The following WNT8A variants were observed in gnomAD, a reference collection of about 807,000 sequenced individuals.
WNT8A encodes the protein Wnt family member 8A, also known as protein Wnt-8a.
In WNT8A, 14 loss-of-function variants were observed where a neutral mutation model predicts 20.5. That is an observed-to-expected ratio of 0.68 (90% CI 0.45 to 1.07). The LOEUF (loss-of-function observed/expected upper bound fraction) is 1.07. Among genes scored for constraint, WNT8A ranks in the 50% least tolerant of loss-of-function variants. WNT8A has a pLI of 0.00. For missense variants in WNT8A, 397 were observed against 462.9 expected (o/e 0.86, Z 1.31); for synonymous variants, 167 against 169.2 (o/e 0.99, Z 0.10).
At position 138,088,904 on chromosome 5, in the gene WNT8A, A is replaced by G. The variant is rs761730095; in HGVS notation, c.422-23A>G. On this transcript the variant is annotated intron_variant, in intron 3 of 4. Coordinates refer to ENST00000506684, the MANE Select transcript of WNT8A (RefSeq NM_001300939.2). ...GACTGAGCATGGAGCTACACGGAGA[A>G]CTTATTCTGTCCTTGTATATAGGAG... 1.5e-5 allele frequency: 24 copies of G among 1,612,156 alleles called. No homozygotes were observed. The Admixed American group carries it at 4.0e-4, about 27-fold the overall frequency.
chr5:138,090,214 G>C (rs902399921), intron 4 of WNT8A, among the ~76,000 whole-genome samples: 1 of 152,120 alleles, frequency 6.6e-6, no homozygotes, highest in African/African-American at 2.4e-5. Context: ...ATAGAGAAAA[G>C]CTTGACAAGT....
chr5:138,083,646 A>T (rs949266726), upstream of WNT8A, among the ~76,000 whole-genome samples: 1 of 152,160 alleles, frequency 6.6e-6, no homozygotes, highest in African/African-American at 2.4e-5. Context: ...CAGGACAGAG[A>T]GTGGGCTCTC....
chr5:138,088,943 C>A lies in WNT8A; in HGVS notation c.438C>A (p.Ile146=). ...NNGKTGGHGW[I]WGGCSDNVEF... ...TGTATATAGGAGGCCATGGCTGGATCTGGGGAGGCTGCAGCGACAATGTGG... is the reference window on the plus strand; with the variant it reads ...TGTATATAGGAGGCCATGGCTGGATATGGGGAGGCTGCAGCGACAATGTGG... Residue 146 remains isoleucine, a synonymous_variant, in exon 4 of 5, where the codon ATC becomes ATA. Coordinates refer to ENST00000506684, the MANE Select transcript of WNT8A (RefSeq NM_001300939.2). 1 of 1,613,926 alleles carries A rather than the reference C, an allele frequency of 6.2e-7. No homozygotes were observed. Among genetic ancestry groups the A allele is most frequent in the Non-Finnish European group, 8.5e-7 (1 of 1,179,992 alleles).
intron 4 of WNT8A, among the ~76,000 whole-genome samples, chr5:138,089,536 C>T (rs1461121783): frequency 6.6e-6 from 1 of 152,130 alleles, no homozygotes; most frequent in Non-Finnish European, 1.5e-5. Flanking sequence ...AGTGGGGTGG[C>T]AGTCTCTGGA....
chr5:138,092,080 T>C (rs1750875322), downstream of WNT8A: 1 of 152,106 alleles, frequency 6.6e-6, no homozygotes, highest in Non-Finnish European at 1.5e-5. Flanking sequence ...ACTCTTCTGT[T>C]GTTTTCCCAG....
chr5:138,086,577 G>A (rs1402369200), intron 2 of WNT8A, among the ~76,000 whole-genome samples: 3 of 152,052 alleles, frequency 2.0e-5, no homozygotes, highest in African/African-American at 7.2e-5. Flanking sequence ...ATGAAGGAAG[G>A]AGGCTGAAAA....
chr5:138,080,656 A>G (rs913939542), upstream of WNT8A, among the ~76,000 whole-genome samples: 5 of 151,570 alleles, frequency 3.3e-5, no homozygotes, highest in African/African-American at 1.2e-4. Flanking sequence ...GCTAGAGTAC[A>G]GTGGCGCAAT....
At chr5:138,082,876 AAAATAAATAAAT>A (rs61652264), upstream of WNT8A, among the ~76,000 whole-genome samples, 224 of 137,814 alleles carry the variant, frequency 1.6e-3, no homozygotes, top group Middle Eastern at 7.2e-3. Context: ...ACTCCATCTC[AAAATAAATAAAT>A]AAATAAATAA....
rs1750581129 is a variant in WNT8A at position 138,084,125 on chromosome 5, C to CA, written c.-2dup. 1.2e-6 allele frequency: 2 copies of CA among 1,614,060 alleles called. No individual in the cohort carries two copies. Among genetic ancestry groups the CA allele is most frequent in the African/African-American group, 2.7e-5 (2 of 74,928 alleles). ...TGTTTATGCTCTGGGCAGCTCTGGG[C>CA]ATATGCTGTGCTGCATTCAGTGCCT... is the stretch of plus-strand genomic sequence containing the variant. On this transcript the variant is annotated 5_prime_UTR_variant, in exon 1 of 5. Coordinates refer to ENST00000506684, the MANE Select transcript of WNT8A (RefSeq NM_001300939.2).
Position 138,087,927 on chromosome 5 carries a change from A to G in WNT8A, c.417A>G (p.Lys139=). The part of the protein sequence containing the change: ...NCGCDGSNNG[K]TGGHGWIWGG... ...GCTGTGATGGGTCAAACAATGGAAAAACAGGTAAGTTGAGCTTTCTAATGG... is the reference window on the plus strand; with the variant it reads ...GCTGTGATGGGTCAAACAATGGAAAGACAGGTAAGTTGAGCTTTCTAATGG... Residue 139 remains lysine, a synonymous_variant, in exon 3 of 5, where the codon AAA becomes AAG. Transcript: ENST00000506684. The G allele has an allele frequency of 6.2e-7, 1 of 1,613,740 alleles. No homozygotes were observed. Among genetic ancestry groups the G allele is most frequent in the Non-Finnish European group, 8.5e-7 (1 of 1,179,724 alleles).
At chr5:138,087,713 G>A (rs1003779905) in intron 2 of WNT8A, 93 bp from the exon 3 acceptor site, 1 of 1,329,724 alleles carries the variant, frequency 7.5e-7, no homozygotes, top group Non-Finnish European at 1.0e-6. Flanking sequence ...GGAAGTGGGG[G>A]ATAAGGGAGA....
chr5:138,080,332 A>C (rs1471923333), upstream of WNT8A, among the ~76,000 whole-genome samples: 1 of 150,794 alleles, frequency 6.6e-6, no homozygotes, highest in Non-Finnish European at 1.5e-5. Flanking sequence ...AAAAAAAAAA[A>C]ACAAAAAACC....
At chr5:138,089,339 G>A (rs1296449845) in intron 4 of WNT8A, among the ~76,000 whole-genome samples, 3 of 152,074 alleles carry the variant, frequency 2.0e-5, no homozygotes, top group Non-Finnish European at 4.4e-5. Flanking sequence ...CTCCACACGC[G>A]GGCTTCTGAG....
At chr5:138,079,638 C>T (rs1014722898), upstream of WNT8A, among the ~76,000 whole-genome samples, 21 of 152,096 alleles carry the variant, frequency 1.4e-4, no homozygotes. Context: ...ACCAGCACAC[C>T]AGGGCTTTAG....
chr5:138,083,883 C>T (rs557222498), upstream of WNT8A: 42 of 489,272 alleles, frequency 8.6e-5, no homozygotes, highest in East Asian at 4.0e-4. Context: ...GGGCTTTTGG[C>T]GAAAACTGAG....
intron 4 of WNT8A, 134 bp downstream of exon 4, chr5:138,089,203 G>A: frequency 8.3e-6 from 11 of 1,330,358 alleles, no homozygotes; most frequent in Non-Finnish European, 1.1e-5. Flanking sequence ...CGCATTCTCT[G>A]GATGACAAAA....
chr5:138,084,808 C>G (rs1054473977), intron 2 of WNT8A, among the ~76,000 whole-genome samples, 172 bp downstream of exon 2: 1 of 152,218 alleles, frequency 6.6e-6, no homozygotes. Context: ...CCTACCCTCT[C>G]TCAGCCCCAG....
At chr5:138,083,202 A>G (rs1400391022), upstream of WNT8A, among the ~76,000 whole-genome samples, 1 of 150,698 alleles carries the variant, frequency 6.6e-6, no homozygotes, top group Non-Finnish European at 1.5e-5. Flanking sequence ...AATCACTTGA[A>G]CCCAGGAGGC....
At chr5:138,085,956 T>A (rs974832779) in intron 2 of WNT8A, among the ~76,000 whole-genome samples, 11 of 152,116 alleles carry the variant, frequency 7.2e-5, no homozygotes, top group Admixed American at 2.6e-4. Context: ...TGACAATGTT[T>A]GTAAAGAGTT....
Sources: gnomAD v4.1 joint callset for allele counts (sites outside exome capture counted in the v4.1 genomes callset) on GRCh38, gnomAD v4.1.1 for gene constraint, MANE v1.5 for transcripts, NCBI Gene and HGNC (gene_info 2026-07-23, HGNC 2026-07-21) for gene names.